The following GABRA5 variants were observed in gnomAD, a reference collection of about 807,000 sequenced individuals.
GABRA5 encodes the protein gamma-aminobutyric acid receptor subunit alpha-5.
Under a neutral mutation model 47.3 loss-of-function variants are expected in GABRA5, and 18 were observed. That is an observed-to-expected ratio of 0.38 (90% confidence interval 0.26 to 0.56). The LOEUF is 0.56. Among genes scored for constraint, GABRA5 ranks in the 20% least tolerant of loss-of-function variants. The pLI is 0.71. For missense variants in GABRA5, 365 were observed against 599.3 expected, an observed-to-expected ratio of 0.61 and a Z score of 4.08; for synonymous variants, 237 against 229.3, an observed-to-expected ratio of 1.03 and a Z score of -0.30.
At chr15:26,913,231 G>A (rs984796831) in intron 6 of GABRA5, among the ~76,000 whole-genome samples, 2 of 149,926 alleles carry the variant, frequency 1.3e-5, no homozygotes, top group Non-Finnish European at 3.0e-5. Context: ...TGAGACTTTT[G>A]TGTTGTGTTC....
rs939968800 is a variant in GABRA5 at position 26,937,110 on chromosome 15, T to C, written c.581-75T>C. On this transcript the variant is annotated intron_variant, in intron 7 of 10. Coordinates refer to ENST00000335625, the MANE Select transcript of GABRA5 (RefSeq NM_000810.4). ...GTTCTCATCCTCTCTCTTGCTACTTTAGTAAAAGCTTCTGTGTTTTCCAGG... is the reference window on the plus strand; with the variant it reads ...GTTCTCATCCTCTCTCTTGCTACTTCAGTAAAAGCTTCTGTGTTTTCCAGG... 6 of 1,541,406 alleles carry C rather than the reference T, an allele frequency of 3.9e-6. No homozygotes were observed. The South Asian group carries it at 6.7e-5, about 17-fold the overall frequency.
intron 4 of GABRA5, among the ~76,000 whole-genome samples, chr15:26,881,783 T>A (rs1595396246): frequency 1.3e-5 from 2 of 152,298 alleles, no homozygotes; most frequent in East Asian, 3.9e-4. Flanking sequence ...CACTGCAACC[T>A]CTGCCTCCCA....
At chr15:26,938,306 G>C (rs1183614399) in intron 8 of GABRA5, among the ~76,000 whole-genome samples, 3 of 152,200 alleles carry the variant, frequency 2.0e-5, no homozygotes, top group Admixed American at 2.0e-4. Flanking sequence ...AGAGGGAACC[G>C]GCCGGTTTTA....
chr15:26,878,128 C>T (rs1163920918), intron 3 of GABRA5, among the ~76,000 whole-genome samples: 2 of 152,134 alleles, frequency 1.3e-5, no homozygotes, highest in African/African-American at 4.8e-5. Context: ...AGGACTCATC[C>T]GTCACACGCT....
At chr15:26,945,074 C>T (rs4887530) in intron 10 of GABRA5, among the ~76,000 whole-genome samples, 140,897 of 152,248 alleles carry the variant, frequency 0.93, 65,419 homozygotes, top group African/African-American at 0.98. Context: ...GTGACCTGCA[C>T]TGTCTAATCC....
At chr15:26,888,980 G>C (rs527759893) in intron 6 of GABRA5, among the ~76,000 whole-genome samples, 1 of 152,316 alleles carries the variant, frequency 6.6e-6, no homozygotes, top group African/African-American at 2.4e-5. Flanking sequence ...CTCCACCCAA[G>C]GTCACTTGCC....
At position 26,883,576 on chromosome 15, in the gene GABRA5, C is replaced by T; in HGVS notation, c.497+19C>T. On this transcript the variant is annotated intron_variant, in intron 6 of 10. Transcript: ENST00000335625. The surrounding 1 kb of genome is among the most constrained non-coding windows in gnomAD (Gnocchi z 4.8). ...CCATGCGGTGAGCGCCGGGCGGGGG[C>T]GGGCGGGGCCGGGGGACGGTGCGGG... 2 of 495,480 alleles carry T rather than the reference C, an allele frequency of 4.0e-6. No individual in the cohort carries two copies. Among genetic ancestry groups the T allele is most frequent in the Non-Finnish European group, 7.5e-6 (2 of 266,052 alleles). 30.7% of individuals were successfully genotyped at this position (495,480 alleles called of 1,614,324 possible).
intron 6 of GABRA5, among the ~76,000 whole-genome samples, chr15:26,896,706 T>G (rs910567392): frequency 2.6e-5 from 4 of 152,006 alleles, no homozygotes; most frequent in African/African-American, 9.7e-5. Flanking sequence ...CCTAAAGATG[T>G]TGAGGGAGTA....
At chr15:26,888,966 G>A (rs1037126857) in intron 6 of GABRA5, among the ~76,000 whole-genome samples, 8 of 152,244 alleles carry the variant, frequency 5.3e-5, no homozygotes, top group African/African-American at 1.9e-4. Context: ...GAACCCGGCC[G>A]CTGCTCCACC....
chr15:26,904,431 G>A (rs1005534758), intron 6 of GABRA5, among the ~76,000 whole-genome samples: 7 of 152,052 alleles, frequency 4.6e-5, no homozygotes, highest in African/African-American at 1.2e-4. Context: ...GCTTAGGGTC[G>A]CCTTGGCTAT....
Position 26,905,587 on chromosome 15 carries a change from C to G in GABRA5, c.498-9216C>G, listed in dbSNP as rs572221631. On this transcript the variant is annotated intron_variant, in intron 6 of 10. Transcript: ENST00000335625. ...CTTTCTGTCCCTTTCTTCTTTTTCT[C>G]TTGTTCTGGGATTCCCATTATGTAT... 2.6e-5 allele frequency among the ~76,000 whole-genome samples: 4 copies of G among 151,752 alleles called. No individual in the cohort carries two copies. In the East Asian group the frequency reaches 5.8e-4, roughly 22 times the overall value.
intron 6 of GABRA5, among the ~76,000 whole-genome samples, chr15:26,900,473 G>C (rs1015384117): frequency 1.3e-5 from 2 of 151,856 alleles, no homozygotes; most frequent in African/African-American, 2.4e-5. Flanking sequence ...GGATTCCTTT[G>C]GCATTTATTA....
chr15:26,868,176 G>C (rs1159531402), intron 1 of GABRA5: 2 of 151,992 alleles, frequency 1.3e-5, no homozygotes, highest in Non-Finnish European at 2.9e-5. Flanking sequence ...GCTGAGGGGC[G>C]GCGGGAGGCG....
At chr15:26,947,773 G>A (rs888130998) in intron 10 of GABRA5, among the ~76,000 whole-genome samples, 161 bp from the exon 11 acceptor site, 13 of 152,138 alleles carry the variant, frequency 8.5e-5, no homozygotes, top group African/African-American at 3.1e-4. Context: ...GCTCTCATGT[G>A]TGCCCTGTCT....
At chr15:26,937,529 C>T (rs1294927549) in intron 8 of GABRA5, among the ~76,000 whole-genome samples, 1 of 152,134 alleles carries the variant, frequency 6.6e-6, no homozygotes, top group Non-Finnish European at 1.5e-5. Context: ...CCAGCCTGCC[C>T]CTCCCTGCAG....
chr15:26,874,015 A>G (rs1884784007), intron 3 of GABRA5, among the ~76,000 whole-genome samples: 1 of 152,240 alleles, frequency 6.6e-6, no homozygotes. Context: ...GGCACTGAGC[A>G]GGCAGGAGAG....
At position 26,876,991 on chromosome 15, in the gene GABRA5, C is replaced by A. The variant is rs556711852; in HGVS notation, c.87-3855C>A. ...TAGGGCTTGGGTTTTACCTTGTGGG[C>A]AGCAGGATTCTGAGTTGGGCAGCAG... On this transcript the variant is annotated intron_variant, in intron 3 of 10. Coordinates refer to ENST00000335625, the MANE Select transcript of GABRA5 (RefSeq NM_000810.4). Among the ~76,000 whole-genome samples, 3 of 152,258 alleles carry A rather than the reference C, an allele frequency of 2.0e-5. No homozygotes were observed. In the East Asian group the frequency reaches 5.8e-4, roughly 29 times the overall value.
At position 26,894,619 on chromosome 15, in the gene GABRA5, C is replaced by T. The variant is rs540942355; in HGVS notation, c.497+11062C>T. Among the ~76,000 whole-genome samples the T allele has an allele frequency of 6.2e-4, 94 of 152,220 alleles. 1 individual carries two copies. Among genetic ancestry groups the T allele is most frequent in the Admixed American group, 1.9e-3 (29 of 15,290 alleles). On this transcript the variant is annotated intron_variant, in intron 6 of 10. Coordinates refer to ENST00000335625, the MANE Select transcript of GABRA5 (RefSeq NM_000810.4). The stretch of plus-strand genomic sequence containing the variant: ...GTTTCCTTCATCGGAATTCCTTGGC[C>T]TTCGTCATTCTTGGCTGCATGAACC...
chr15:26,947,472 G>A (rs1456252863), intron 10 of GABRA5, among the ~76,000 whole-genome samples: 1 of 152,088 alleles, frequency 6.6e-6, no homozygotes, highest in Non-Finnish European at 1.5e-5. Context: ...CTGTTTCTGT[G>A]TTAGTTTGCT....
Sources: allele counts gnomAD v4.1 joint callset (sites outside exome capture counted in the v4.1 genomes callset), GRCh38; gene constraint gnomAD v4.1.1; non-coding constraint Gnocchi (gnomAD v3.1); transcripts MANE v1.5; gene names NCBI Gene and HGNC (gene_info 2026-07-23, HGNC 2026-07-21).